DNA2: variants seen among roughly 807,000 people sequenced by gnomAD.
The protein encoded by DNA2 is DNA replication helicase/nuclease 2.
In DNA2, 101 loss-of-function variants were observed where a neutral mutation model predicts 119.1. That is an observed-to-expected ratio of 0.85 (90% CI 0.72 to 1.00). The LOEUF (loss-of-function observed/expected upper bound fraction) is 1.00. Among genes scored for constraint, DNA2 ranks in the 50% least tolerant of loss-of-function variants. DNA2 has a pLI of 0.00. For synonymous variants in DNA2, 366 were observed against 424.4 expected, an observed-to-expected ratio of 0.86 and a Z score of 1.69; for missense variants, 1,121 against 1,255.5, an observed-to-expected ratio of 0.89 and a Z score of 1.62.
intron 10 of DNA2, among the ~76,000 whole-genome samples, chr10:68,434,737 A>C (rs932715781): frequency 6.6e-6 from 1 of 152,230 alleles, no homozygotes; most frequent in African/African-American, 2.4e-5. Flanking sequence ...GTAGACACTA[A>C]ATAAATACTG....
chr10:68,466,641 C>T (rs1490665355), intron 3 of DNA2, among the ~76,000 whole-genome samples: 3 of 150,922 alleles, frequency 2.0e-5, no homozygotes, highest in Non-Finnish European at 2.9e-5. Flanking sequence ...TGCAGCCGCG[C>T]GACTTTTGCT....
intron 17 of DNA2, among the ~76,000 whole-genome samples, chr10:68,420,991 T>TGCA (rs1237648497): frequency 6.6e-6 from 1 of 151,018 alleles, no homozygotes; most frequent in East Asian, 2.0e-4. Flanking sequence ...CAGGTTGGAG[T>TGCA]GCAGTGGCGC....
intron 10 of DNA2, among the ~76,000 whole-genome samples, chr10:68,435,708 C>A (rs1405127607): frequency 6.6e-6 from 1 of 152,058 alleles, no homozygotes; most frequent in East Asian, 1.9e-4. Flanking sequence ...CCCAACTCGG[C>A]CTCCCAAAAT....
chr10:68,438,317 C>T (rs1470973166), intron 9 of DNA2, among the ~76,000 whole-genome samples: 2 of 152,034 alleles, frequency 1.3e-5, no homozygotes, highest in South Asian at 2.1e-4. Flanking sequence ...GGCAGGAGTT[C>T]GAGACAAGCC....
At chr10:68,415,174 T>TTTG (rs2051571610) in intron 20 of DNA2, 67 bp from the exon 21 acceptor site, 1 of 1,028,200 alleles carries the variant, frequency 9.7e-7, no homozygotes, top group African/African-American at 1.6e-5. Context: ...ACATTATTAT[T>TTTG]TAACATTTTG....
Position 68,471,777 on chromosome 10 carries a change from C to A in DNA2, c.74+14G>T, listed in dbSNP as rs1171570729. Reference sequence around the variant, plus strand: ...TCCCGCTTTGTTCCCACACCCTCCCCCCTCTCCGCTCACAGCTCCGCCGGC... The same window carrying A: ...TCCCGCTTTGTTCCCACACCCTCCCACCTCTCCGCTCACAGCTCCGCCGGC... On this transcript the variant is annotated intron_variant, in intron 1 of 20. Transcript: ENST00000358410. The A allele has an allele frequency of 2.5e-6, 4 of 1,588,988 alleles. No homozygotes were observed. The highest frequency in any genetic ancestry group is 2.7e-5 in the African/African-American group (2 of 73,930).
At chr10:68,462,245 AC>A (rs2052269481) in intron 4 of DNA2, among the ~76,000 whole-genome samples, 1 of 151,594 alleles carries the variant, frequency 6.6e-6, no homozygotes, top group African/African-American at 2.4e-5. Context: ...GGTGGCAGGC[AC>A]CTGTAATCCC....
upstream of DNA2, chr10:68,472,035 T>G (rs767862972): frequency 6.2e-7 from 1 of 1,605,682 alleles, no homozygotes. Flanking sequence ...GCCGGCGCGT[T>G]CCACGTGGGG....
chr10:68,434,228 T>C (rs1296851924), intron 10 of DNA2, among the ~76,000 whole-genome samples: 1 of 151,722 alleles, frequency 6.6e-6, no homozygotes, highest in Non-Finnish European at 1.5e-5. Flanking sequence ...TGAACTGAGA[T>C]CGTGCTACTG....
At chr10:68,460,454 G>C (rs1280341383) in intron 4 of DNA2, among the ~76,000 whole-genome samples, 1 of 148,912 alleles carries the variant, frequency 6.7e-6, no homozygotes, top group Admixed American at 6.7e-5. Flanking sequence ...TTTCACTCTT[G>C]TTGCCCAGGC....
intron 17 of DNA2, among the ~76,000 whole-genome samples, chr10:68,421,499 AT>A (rs1473478643): frequency 6.6e-6 from 1 of 151,992 alleles, no homozygotes; most frequent in African/African-American, 2.4e-5. Context: ...TCACACTATA[AT>A]CCCAGCACTC....
chr10:68,447,516 CAAAAAAA>C (rs1165549043), intron 6 of DNA2, among the ~76,000 whole-genome samples: 1 of 54,754 alleles, frequency 1.8e-5, no homozygotes, highest in South Asian at 6.4e-4. Context: ...GACTTCACCT[CAAAAAAA>C]AAAAAAAAAA....
intron 14 of DNA2, 49 bp downstream of exon 14, chr10:68,430,387 T>C: frequency 7.5e-7 from 1 of 1,330,476 alleles, no homozygotes; most frequent in South Asian, 1.3e-5. Flanking sequence ...CCCCTCATTC[T>C]GGCTGTGGAC....
chr10:68,453,934 CA>C (rs1220918371), intron 5 of DNA2, among the ~76,000 whole-genome samples: 2 of 151,992 alleles, frequency 1.3e-5, no homozygotes, highest in Admixed American at 1.3e-4. Flanking sequence ...TGTGTTTTGA[CA>C]AAAAAATGTG....
chr10:68,453,817 A>T (rs2052150287), intron 5 of DNA2, among the ~76,000 whole-genome samples: 1 of 152,168 alleles, frequency 6.6e-6, no homozygotes, highest in Non-Finnish European at 1.5e-5. Context: ...GCACAAGTAC[A>T]CTCTGATGTT....
In DNA2 at chr10:68,470,017, AG is replaced by A. The variant is rs758187126; in HGVS notation, c.220del (p.Leu74Ter). The A allele has an allele frequency of 1.9e-6, 3 of 1,610,140 alleles. No homozygotes were observed. The South Asian group carries it at 3.3e-5, about 18-fold the overall frequency. ...KRLVITASQS[L>X]ENKELCILRN... ...AAGGATGCATAGTTCTTTATTTTCT[AG>A]TGACTGTGAAGCAGTGATGACCAGG... On this transcript the variant is annotated frameshift_variant, in exon 2 of 21. Transcript: ENST00000358410. LOFTEE classifies it high-confidence loss of function.
chr10:68,437,760 C>T (rs2051910506), intron 9 of DNA2, among the ~76,000 whole-genome samples: 1 of 152,108 alleles, frequency 6.6e-6, no homozygotes, highest in Non-Finnish European at 1.5e-5. Context: ...AGTAAACATT[C>T]TCTTAGTTTC....
intron 5 of DNA2, among the ~76,000 whole-genome samples, chr10:68,451,572 A>G (rs2052118343): frequency 6.6e-6 from 1 of 150,468 alleles, no homozygotes; most frequent in African/African-American, 2.5e-5. Context: ...CACATAAAAT[A>G]CTAAATCTAG....
intron 10 of DNA2, among the ~76,000 whole-genome samples, chr10:68,435,988 G>C (rs1447412542): frequency 1.3e-5 from 2 of 152,140 alleles, no homozygotes; most frequent in Non-Finnish European, 2.9e-5. Flanking sequence ...CATCACTATG[G>C]AACATAATGT....
Sources: gnomAD v4.1 joint callset for allele counts (sites outside exome capture counted in the v4.1 genomes callset) on GRCh38, gnomAD v4.1.1 for gene constraint, MANE v1.5 for transcripts, NCBI Gene and HGNC (gene_info 2026-07-23, HGNC 2026-07-21) for gene names.